Variants in SLC30A5 observed in about 807,000 individuals in gnomAD.
The protein encoded by SLC30A5 is solute carrier family 30 member 5, also known as proton-coupled zinc antiporter SLC30A5.
SLC30A5 carries 33 observed loss-of-function variants against 79.6 expected under a neutral mutation model. The observed-to-expected ratio is 0.41, with a 90% confidence interval of 0.31 to 0.55. The LOEUF is 0.55. Among genes scored for constraint, SLC30A5 ranks in the 20% least tolerant of loss-of-function variants. The pLI, the probability that SLC30A5 is intolerant of heterozygous loss-of-function variation, is 0.20. For synonymous variants in SLC30A5, 299 were observed against 319.7 expected (o/e 0.94, Z 0.69); for missense variants, 788 against 928.1 (o/e 0.85, Z 1.96).
Position 69,113,254 on chromosome 5 carries a change from G to GT in SLC30A5, c.535+30dup, listed in dbSNP as rs139824659. On this transcript the variant is annotated intron_variant, in intron 6 of 15. Coordinates refer to ENST00000396591, the MANE Select transcript of SLC30A5 (RefSeq NM_022902.5). ...TATCCTTTTGGAATAGATCAGAGTT[G>GT]TTTCAAGTCTTGAGGAAAACTAGAA... is the stretch of plus-strand genomic sequence containing the variant. The GT allele has an allele frequency of 5.3e-3, 8,369 of 1,576,880 alleles. 377 individuals are homozygous for GT. The African/African-American group carries it at 0.096, about 18-fold the overall frequency.
Position 69,126,801 on chromosome 5 carries a change from C to A in SLC30A5, c.1999-1203C>A, listed in dbSNP as rs12651721. The stretch of plus-strand genomic sequence containing the variant: ...ACAAACAAACAAACAACAACAACAA[C>A]AACAACAAAATATATATATATATGT... On this transcript the variant is annotated intron_variant, in intron 14 of 15. Transcript: ENST00000396591. Among the ~76,000 whole-genome samples the A allele has an allele frequency of 3.1e-3, 455 of 146,516 alleles. 4 individuals carry two copies. The highest frequency in any genetic ancestry group is 0.018 in the East Asian group (88 of 4,946).
chr5:69,109,370 G>T (rs1337297981), intron 5 of SLC30A5, among the ~76,000 whole-genome samples: 3 of 151,434 alleles, frequency 2.0e-5, no homozygotes, highest in Non-Finnish European at 4.4e-5. Context: ...AAAAAAACAG[G>T]AAATTGACAT....
intron 15 of SLC30A5, 116 bp downstream of exon 15, chr5:69,128,248 C>CAA: frequency 2.2e-6 from 1 of 463,268 alleles, no homozygotes; most frequent in Non-Finnish European, 3.2e-6. Flanking sequence ...AATCTTCCAA[C>CAA]TCTTTTTTTT....
chr5:69,117,415 G>A lies in SLC30A5; in HGVS notation c.1439+19G>A, dbSNP rs758063048. 12 of 1,610,300 alleles carry A rather than the reference G, an allele frequency of 7.5e-6. No individual in the cohort carries two copies. The highest frequency in any genetic ancestry group is 2.2e-5 in the East Asian group (1 of 44,836). On this transcript the variant is annotated intron_variant, in intron 11 of 15. Coordinates refer to ENST00000396591, the MANE Select transcript of SLC30A5 (RefSeq NM_022902.5). ...CCTATGGGTAGGTACATTGACTGTC[G>A]AGGTGGTATATCTTAAGTGCAAATT...
Position 69,128,152 on chromosome 5 carries a change from G to A in SLC30A5, c.2127+20G>A. 6.4e-7 allele frequency: 1 copy of A among 1,553,936 alleles called. No homozygotes were observed. Among genetic ancestry groups the A allele is most frequent in the Non-Finnish European group, 8.7e-7 (1 of 1,144,196 alleles). On this transcript the variant is annotated intron_variant, in intron 15 of 15. Transcript: ENST00000396591. ...CAGCAGGTAATCTTTTGTTTTTAAA[G>A]TAATTTTAATTGAGGTCATTCATAC...
At position 69,115,555 on chromosome 5, in the gene SLC30A5, T is replaced by TA. The variant is rs1228880672; in HGVS notation, c.783+156dup. On this transcript the variant is annotated intron_variant, in intron 8 of 15. Transcript: ENST00000396591. ...TCTTTGCTTTTTCTTTGTAGTTTTT[T>TA]AAAAAAAATTTGGAGTTAATTTTAT... The TA allele has an allele frequency of 5.5e-5, 37 of 677,536 alleles. No homozygotes were observed. In the Admixed American group the frequency reaches 8.5e-4, roughly 16 times the overall value. The allele number at this position is 677,536 out of a possible 1,614,324, so 42.0% of individuals were successfully genotyped here. A position where few individuals can be genotyped will look rare whatever the true frequency, so the allele number is the denominator to read the frequency against.
intron 11 of SLC30A5, 36 bp from the exon 12 acceptor site, chr5:69,118,463 C>T (rs766035192): frequency 1.9e-6 from 3 of 1,565,732 alleles, no homozygotes; most frequent in Non-Finnish European, 2.6e-6. Flanking sequence ...AAATATTTGT[C>T]CTTTTCCTTT....
rs764140043 is a variant in SLC30A5, at chr5:69,117,226, GTGA to G, written c.1282-12_1282-10del. The G allele has an allele frequency of 9.2e-5, 147 of 1,594,412 alleles. 1 individual carries two copies. Among genetic ancestry groups the G allele is most frequent in the Non-Finnish European group, 1.2e-4 (142 of 1,170,424 alleles). On this transcript the variant is annotated splice_polypyrimidine_tract_variant and intron_variant, in intron 10 of 15. Transcript: ENST00000396591. ...CAACATACTCCTCCCTTTTTTTTTG[GTGA>G]CATTTTTAGCTTTTTACCTTTGTGG...
At position 69,130,594 on chromosome 5, in the gene SLC30A5, C is replaced by T. The variant is rs907223374; in HGVS notation, c.*977C>T. The T allele has an allele frequency of 2.0e-5, 3 of 152,096 alleles. No homozygotes were observed. The highest frequency in any genetic ancestry group is 2.9e-5 in the Non-Finnish European group (2 of 68,016). 9.4% of individuals were successfully genotyped at this position (152,096 alleles called of 1,614,324 possible). On this transcript the variant is annotated 3_prime_UTR_variant, in exon 16 of 16. Coordinates refer to ENST00000396591, the MANE Select transcript of SLC30A5 (RefSeq NM_022902.5). ...AATATCAAAGAATAGGTAGTTATTT[C>T]AAAGTTTAATAAGTAAAACTTGTTC...
intron 4 of SLC30A5, among the ~76,000 whole-genome samples, chr5:69,107,948 G>A (rs1207323254): frequency 1.3e-5 from 2 of 152,118 alleles, no homozygotes; most frequent in Non-Finnish European, 2.9e-5. Context: ...GGCCAGAGTG[G>A]TCTCGATCTT....
intron 14 of SLC30A5, among the ~76,000 whole-genome samples, chr5:69,127,108 T>C (rs1381426680): frequency 6.6e-6 from 1 of 152,192 alleles, no homozygotes. Context: ...TTACATTGTA[T>C]GGGCAGTCAA....
chr5:69,101,945 A>G (rs1311177010), intron 2 of SLC30A5, among the ~76,000 whole-genome samples: 1 of 149,456 alleles, frequency 6.7e-6, no homozygotes, highest in Non-Finnish European at 1.5e-5. Context: ...CAACAGAGCG[A>G]GACTCCATTT....
At chr5:69,109,443 A>G (rs1024557389) in intron 5 of SLC30A5, among the ~76,000 whole-genome samples, 3 of 151,596 alleles carry the variant, frequency 2.0e-5, no homozygotes, top group Non-Finnish European at 2.9e-5. Flanking sequence ...GTGTGTGTGT[A>G]TGTATGTATG....
At chr5:69,125,639 T>A (rs143798546) in intron 14 of SLC30A5, among the ~76,000 whole-genome samples, 1,823 of 151,212 alleles carry the variant, frequency 0.012, 23 homozygotes, top group Non-Finnish European at 0.018. Flanking sequence ...ATTGAGACCA[T>A]CCTGGCTAAC....
rs529893815 is a variant in SLC30A5 at position 69,126,984 on chromosome 5, T to G, written c.1999-1020T>G. On this transcript the variant is annotated intron_variant, in intron 14 of 15. Coordinates refer to ENST00000396591, the MANE Select transcript of SLC30A5 (RefSeq NM_022902.5). The stretch of plus-strand genomic sequence containing the variant: ...ACATTTTTACAAGTTGTTTCCATAT[T>G]AAAATTTTGAAAATAAAAATGGCAA... 4.0e-3 allele frequency among the ~76,000 whole-genome samples: 610 copies of G among 152,272 alleles called. 9 individuals carry two copies. Among genetic ancestry groups the G allele is most frequent in the African/African-American group, 0.014 (566 of 41,568 alleles).
chr5:69,104,004 G>A (rs1561288649), intron 3 of SLC30A5: 1 of 1,569,690 alleles, frequency 6.4e-7, no homozygotes, highest in Non-Finnish European at 8.7e-7. Context: ...AGAATTTAAA[G>A]ACAAAAAGTT....
chr5:69,108,894 T>C lies in SLC30A5; in HGVS notation c.447+458T>C, dbSNP rs549101272. ...ACATTTTTCTTACAATTTTTTTGTT[T>C]TTGAAGAATTCTATAAGTTTACAAA... On this transcript the variant is annotated intron_variant, in intron 5 of 15. Transcript: ENST00000396591. Among the ~76,000 whole-genome samples the C allele has an allele frequency of 3.5e-3, 531 of 152,284 alleles. 7 individuals are homozygous for C. Among genetic ancestry groups the C allele is most frequent in the African/African-American group, 0.012 (488 of 41,558 alleles).
chr5:69,106,574 C>A (rs540912731), intron 4 of SLC30A5, among the ~76,000 whole-genome samples: 4 of 151,956 alleles, frequency 2.6e-5, no homozygotes, highest in Non-Finnish European at 5.9e-5. Flanking sequence ...TTTGGGAAGC[C>A]GAGGTGGGCA....
intron 2 of SLC30A5, 92 bp from the exon 3 acceptor site, chr5:69,102,970 C>A: frequency 1.7e-6 from 1 of 583,076 alleles, no homozygotes; most frequent in Non-Finnish European, 3.0e-6. Context: ...CAAGTTCTGG[C>A]ATATTTGTTT....
Sources: gnomAD v4.1 joint callset for allele counts (sites outside exome capture counted in the v4.1 genomes callset) on GRCh38, gnomAD v4.1.1 for gene constraint, MANE v1.5 for transcripts, NCBI Gene and HGNC (gene_info 2026-07-23, HGNC 2026-07-21) for gene names.